PIK3C2G: variants seen among roughly 807,000 people sequenced by gnomAD.
PIK3C2G encodes the protein phosphatidylinositol 3-kinase C2 domain-containing subunit gamma.
Under a neutral mutation model 181.1 loss-of-function variants are expected in PIK3C2G, and 168 were observed. The ratio of observed to expected loss-of-function variants is 0.93; its 90% CI spans 0.82 to 1.05. The LOEUF is 1.05. PIK3C2G is among the 50% of genes least tolerant of loss of function. The pLI is 0.00. For missense variants in PIK3C2G, 1,869 were observed against 1,732.8 expected (o/e 1.08, Z -1.40); for synonymous variants, 573 against 592.2 (o/e 0.97, Z 0.47).
chr12:18,262,579 G>A (rs1183576383), intron 1 of PIK3C2G, among the ~76,000 whole-genome samples: 5 of 146,628 alleles, frequency 3.4e-5, no homozygotes, highest in Non-Finnish European at 7.5e-5. Context: ...AGAAAATAGT[G>A]AGCATAAGAA....
intron 25 of PIK3C2G, among the ~76,000 whole-genome samples, chr12:18,538,831 ACT>A (rs1944001614): frequency 6.6e-6 from 1 of 151,912 alleles, no homozygotes; most frequent in Admixed American, 6.6e-5. Context: ...CATTAGGTGT[ACT>A]GAGTCATGGT....
At chr12:18,488,016 G>A (rs1302101042) in intron 18 of PIK3C2G, among the ~76,000 whole-genome samples, 1 of 152,084 alleles carries the variant, frequency 6.6e-6, no homozygotes, top group Non-Finnish European at 1.5e-5. Context: ...TGTGGTTTGT[G>A]ACAGTGCGGG....
intron 16 of PIK3C2G, among the ~76,000 whole-genome samples, chr12:18,409,768 T>C (rs1007222461): frequency 1.3e-5 from 2 of 152,036 alleles, no homozygotes; most frequent in Non-Finnish European, 2.9e-5. Flanking sequence ...TATAAAGAAA[T>C]GCCTGAGACT....
the PIK3C2G span, among the ~76,000 whole-genome samples, chr12:18,706,146 T>C: frequency 6.6e-6 from 1 of 150,446 alleles, no homozygotes; most frequent in African/African-American, 2.4e-5. Flanking sequence ...GGCAGGAGAA[T>C]TGCTTGAACC....
the PIK3C2G span, among the ~76,000 whole-genome samples, chr12:18,658,179 G>A: frequency 6.6e-6 from 1 of 152,066 alleles, no homozygotes; most frequent in Admixed American, 6.6e-5. Context: ...AAAATCAACA[G>A]ATCCTAAGAG....
At chr12:18,690,811 A>G in the PIK3C2G span, among the ~76,000 whole-genome samples, 1 of 152,166 alleles carries the variant, frequency 6.6e-6, no homozygotes, top group South Asian at 2.1e-4. Context: ...GAGGTGAGTC[A>G]TGGTTAGAGA....
chr12:18,723,300 T>C, the PIK3C2G span: 1 of 1,600,880 alleles, frequency 6.2e-7, no homozygotes, highest in East Asian at 2.2e-5. Flanking sequence ...AAGTTTGAAA[T>C]GCAAACATAC....
intron 26 of PIK3C2G, among the ~76,000 whole-genome samples, chr12:18,551,736 A>G (rs550200711): frequency 6.6e-6 from 1 of 152,254 alleles, no homozygotes; most frequent in South Asian, 2.1e-4. Context: ...CTCTACATGG[A>G]GTCAAACTGT....
At chr12:18,461,915 A>G (rs538992997) in intron 18 of PIK3C2G, among the ~76,000 whole-genome samples, 1 of 152,318 alleles carries the variant, frequency 6.6e-6, no homozygotes, top group South Asian at 2.1e-4. Flanking sequence ...GAGACTGCCC[A>G]CATTCCTTGG....
At chr12:18,663,341 C>T in the PIK3C2G span, among the ~76,000 whole-genome samples, 2 of 152,014 alleles carry the variant, frequency 1.3e-5, no homozygotes, top group African/African-American at 4.8e-5. Context: ...TCCAGAAAAA[C>T]TGTTAGAATT....
the PIK3C2G span, chr12:18,683,571 C>A: frequency 2.9e-5 from 43 of 1,470,060 alleles, no homozygotes; most frequent in Non-Finnish European, 3.6e-5. Flanking sequence ...GCTGCATGAT[C>A]CAAAATTAGC....
At chr12:18,421,619 A>G (rs938656936) in intron 17 of PIK3C2G, among the ~76,000 whole-genome samples, 1 of 152,084 alleles carries the variant, frequency 6.6e-6, no homozygotes, top group Non-Finnish European at 1.5e-5. Flanking sequence ...CATGCCACAC[A>G]TGACCATGTA....
intron 11 of PIK3C2G, among the ~76,000 whole-genome samples, chr12:18,355,658 G>A (rs1200976139): frequency 1.3e-5 from 2 of 152,184 alleles, no homozygotes; most frequent in East Asian, 1.9e-4. Flanking sequence ...CACAGCACAT[G>A]CATGCTACGG....
chr12:18,379,582 A>G (rs541354302), intron 13 of PIK3C2G, among the ~76,000 whole-genome samples: 1 of 152,204 alleles, frequency 6.6e-6, no homozygotes, highest in Admixed American at 6.5e-5. Context: ...GGGGAAAAGG[A>G]TATATAAGAA....
At chr12:18,322,924 G>A (rs1029256506) in intron 7 of PIK3C2G, among the ~76,000 whole-genome samples, 5 of 152,084 alleles carry the variant, frequency 3.3e-5, no homozygotes, top group African/African-American at 7.2e-5. Flanking sequence ...CAGGGGTGGG[G>A]GGAACAGAGA....
At chr12:18,667,993 GATTTTTACC>G in the PIK3C2G span, among the ~76,000 whole-genome samples, 11 of 152,148 alleles carry the variant, frequency 7.2e-5, no homozygotes, top group Admixed American at 4.6e-4. Context: ...AAAGGCAAAA[GATTTTTACC>G]TAAGGTCTAC....
chr12:18,635,230 C>T lies in PIK3C2G; in HGVS notation c.4183-5199C>T, dbSNP rs557245578. 8.5e-5 allele frequency among the ~76,000 whole-genome samples: 13 copies of T among 152,270 alleles called. No homozygotes were observed. The South Asian group carries it at 1.5e-3, about 17-fold the overall frequency. ...TCTTTCTCTTCCTCTGTCAACTGAC[C>T]GCAGGGAACTCTTTATGAGGCCACG... On this transcript the variant is annotated intron_variant, in intron 31 of 32. Transcript: ENST00000538779.
chr12:18,621,740 A>G (rs1948873865), intron 31 of PIK3C2G, among the ~76,000 whole-genome samples: 1 of 151,856 alleles, frequency 6.6e-6, no homozygotes, highest in Non-Finnish European at 1.5e-5. Context: ...ACTTATTTTT[A>G]GAAAATAATT....
intron 17 of PIK3C2G, among the ~76,000 whole-genome samples, chr12:18,422,458 G>A (rs187286519): frequency 6.6e-6 from 1 of 151,868 alleles, no homozygotes; most frequent in African/African-American, 2.4e-5. Flanking sequence ...ATTTTGTTAC[G>A]TATTATCATG....
Sources: allele counts gnomAD v4.1 joint callset (sites outside exome capture counted in the v4.1 genomes callset), GRCh38; gene constraint gnomAD v4.1.1; transcripts MANE v1.5; gene names NCBI Gene and HGNC (gene_info 2026-07-23, HGNC 2026-07-21).